TACC2: variants seen among roughly 807,000 people sequenced by gnomAD.
TACC2 encodes transforming acidic coiled-coil containing protein 2.
TACC2 carries 137 observed loss-of-function variants against 227.3 expected under a neutral mutation model. The ratio of observed to expected loss-of-function variants is 0.60; its 90% CI spans 0.52 to 0.69. The LOEUF (loss-of-function observed/expected upper bound fraction) is 0.69, where lower values mean the gene tolerates loss of function less well. Ranked by LOEUF, TACC2 falls within the 30% of genes least tolerant of loss-of-function variation. The pLI, the probability that TACC2 is intolerant of heterozygous loss-of-function variation, is 0.00. For synonymous variants in TACC2, 1,523 were observed against 1,487.5 expected, an observed-to-expected ratio of 1.02 and a Z score of -0.55; for missense variants, 3,470 against 3,694.4, an observed-to-expected ratio of 0.94 and a Z score of 1.57.
At chr10:121,990,118 A>AT (rs547344106) in intron 1 of TACC2, among the ~76,000 whole-genome samples, 126 of 145,088 alleles carry the variant, frequency 8.7e-4, no homozygotes, top group African/African-American at 2.2e-3. Context: ...CCTTCTGTGG[A>AT]TTTTTTTTTT....
intron 1 of TACC2, among the ~76,000 whole-genome samples, chr10:121,997,766 G>T (rs1208368461): frequency 6.6e-6 from 1 of 152,186 alleles, no homozygotes; most frequent in Non-Finnish European, 1.5e-5. Flanking sequence ...AGCTCTGCTG[G>T]CTAATAGGGG....
In TACC2 at chr10:122,086,304, C is replaced by G. The variant is rs1305156438; in HGVS notation, c.3804C>G (p.Pro1268=). Residue 1268 remains proline, a synonymous_variant, in exon 4 of 23, where the codon CCC becomes CCG. Transcript: ENST00000369005. ...ACCCCAGAGCTCCTGGCGAAAGCCC[C>G]TGTCCTGTAGGGGAGCCCCCACTTG... The part of the protein sequence containing the change: ...SADPRAPGES[P]CPVGEPPLAL... 1.9e-6 allele frequency: 3 copies of G among 1,613,852 alleles called. No individual in the cohort carries two copies. The highest frequency in any genetic ancestry group is 1.7e-6 in the Non-Finnish European group (2 of 1,180,046).
At chr10:122,159,486 G>A (rs1029089597) in intron 7 of TACC2, among the ~76,000 whole-genome samples, 8 of 152,324 alleles carry the variant, frequency 5.3e-5, no homozygotes, top group African/African-American at 1.7e-4. Context: ...TTTTCGGCAA[G>A]GCAGTGAGCA....
At chr10:121,993,434 A>T (rs1953121218) in intron 1 of TACC2, among the ~76,000 whole-genome samples, 1 of 152,284 alleles carries the variant, frequency 6.6e-6, no homozygotes, top group African/African-American at 2.4e-5. Flanking sequence ...ATGAGAGGGA[A>T]GTCTTCCTCT....
intron 1 of TACC2, among the ~76,000 whole-genome samples, chr10:121,998,362 A>G: frequency 6.7e-6 from 1 of 150,130 alleles, no homozygotes; most frequent in Non-Finnish European, 1.5e-5. Context: ...GCCTGTACTC[A>G]CCCTTAGCAG....
At chr10:122,041,782 C>T (rs912530900) in intron 2 of TACC2, among the ~76,000 whole-genome samples, 5 of 152,336 alleles carry the variant, frequency 3.3e-5, no homozygotes, top group Non-Finnish European at 5.9e-5. Flanking sequence ...CACCTGTCTG[C>T]TCCCACAGCC....
At chr10:122,032,451 C>T (rs569199345) in intron 2 of TACC2, among the ~76,000 whole-genome samples, 7 of 152,272 alleles carry the variant, frequency 4.6e-5, no homozygotes, top group African/African-American at 1.7e-4. Flanking sequence ...AGGAAAGATG[C>T]AAGTCTGAAG....
At chr10:122,061,010 A>G (rs1418365153) in intron 3 of TACC2, among the ~76,000 whole-genome samples, 13 of 42,870 alleles carry the variant, frequency 3.0e-4, no homozygotes, top group Admixed American at 1.4e-3. Context: ...CAAAAAAAAA[A>G]AAAAAAAAAG....
rs2080066483 is a variant in TACC2, at chr10:122,086,078, C to T, written c.3578C>T (p.Ala1193Val). 1 of 1,613,744 alleles carries T rather than the reference C, an allele frequency of 6.2e-7. No individual in the cohort carries two copies. The highest frequency in any genetic ancestry group is 1.3e-5 in the African/African-American group (1 of 74,946). ...CACCCCATGGCCAGCTGCCAGGATGCCTTGCTGCCAGCCAGAGAGCTGGGT... is the reference window on the plus strand; with the variant it reads ...CACCCCATGGCCAGCTGCCAGGATGTCTTGCTGCCAGCCAGAGAGCTGGGT... ...AEHPMASCQDALLPARELGGI... is the reference protein window; with the variant it reads ...AEHPMASCQDVLLPARELGGI... Residue 1193 changes from alanine to valine, a missense_variant, in exon 4 of 23, where the codon GCC becomes GTC. Ala to Val is a moderately conservative substitution (Grantham distance 64). Transcript: ENST00000369005.
At chr10:122,110,608 C>G (rs11200403) in intron 5 of TACC2, among the ~76,000 whole-genome samples, 48,481 of 152,066 alleles carry the variant, frequency 0.32, 8,958 homozygotes, top group South Asian at 0.43. Context: ...TCATTCCTCA[C>G]AGAGGTGCCG....
intron 5 of TACC2, among the ~76,000 whole-genome samples, chr10:122,102,795 A>G (rs1772184444): frequency 6.6e-6 from 1 of 152,146 alleles, no homozygotes; most frequent in Non-Finnish European, 1.5e-5. Context: ...CCTCAGGGAA[A>G]ATGCCGAGGC....
chr10:122,050,383 G>A lies in TACC2; in HGVS notation c.34-55G>A. 1 of 1,427,954 alleles carries A rather than the reference G, an allele frequency of 7.0e-7. No individual in the cohort carries two copies. Among genetic ancestry groups the A allele is most frequent in the Non-Finnish European group, 9.8e-7 (1 of 1,020,600 alleles). The allele number at this position is 1,427,954 out of a possible 1,614,324, so 88.5% of individuals were successfully genotyped here. A position where few individuals can be genotyped will look rare whatever the true frequency, so the allele number is the denominator to read the frequency against. ...GTGCCCTGTTGATAAATGTTTTTGT[G>A]TTTTCAGAGACTCCTATCTGATTTC... On this transcript the variant is annotated intron_variant, in intron 2 of 22. Transcript: ENST00000369005. The surrounding 1 kb of genome is among the most constrained non-coding windows in gnomAD (Gnocchi z 4.6).
At chr10:122,143,977 G>T (rs1039912290) in intron 7 of TACC2, among the ~76,000 whole-genome samples, 1 of 152,190 alleles carries the variant, frequency 6.6e-6, no homozygotes, top group Non-Finnish European at 1.5e-5. Flanking sequence ...TGGATAGATG[G>T]ATGGATGATC....
chr10:122,113,562 G>A (rs2084044923), intron 5 of TACC2, among the ~76,000 whole-genome samples: 1 of 152,070 alleles, frequency 6.6e-6, no homozygotes, highest in Admixed American at 6.5e-5. Flanking sequence ...GCGTGGTTGT[G>A]GTTGGCGCCC....
chr10:122,122,491 C>CTTT (rs368366143), intron 5 of TACC2, among the ~76,000 whole-genome samples: 151 of 148,264 alleles, frequency 1.0e-3, no homozygotes, highest in East Asian at 1.2e-3. Context: ...AAAATAATTC[C>CTTT]TTTTTTTTTT....
At position 122,086,422 on chromosome 10, in the gene TACC2, C is replaced by A. The variant is rs77722854; in HGVS notation, c.3922C>A (p.Gln1308Lys). Residue 1308 changes from glutamine to lysine, a missense_variant, in exon 4 of 23, where the codon CAA (glutamine) becomes AAA (lysine). Gln to Lys is a moderately conservative substitution (Grantham distance 53). Coordinates refer to ENST00000369005, the MANE Select transcript of TACC2 (RefSeq NM_206862.4). ...GAAGGEIPAVQASSGSPKART... is the reference protein window; with the variant it reads ...GAAGGEIPAVKASSGSPKART... ...TGCAGGTGGGGAAATCCCTGCAGTG[C>A]AAGCCAGCAGTGGTAGTCCCAAAGC... is the stretch of plus-strand genomic sequence containing the variant. The A allele has an allele frequency of 1.0e-3, 1,670 of 1,613,742 alleles. 14 individuals are homozygous for A. In the African/African-American group the frequency reaches 0.02, roughly 20 times the overall value.
chr10:122,252,512 A>T (rs1207531749), intron 22 of TACC2, among the ~76,000 whole-genome samples: 2 of 146,622 alleles, frequency 1.4e-5, no homozygotes, highest in Non-Finnish European at 3.0e-5. Context: ...TTTTTTTGAG[A>T]TGAAGTCTGT....
At chr10:122,163,616 C>T (rs985766876) in intron 7 of TACC2, 9 of 1,019,422 alleles carry the variant, frequency 8.8e-6, no homozygotes, top group Admixed American at 5.7e-5. Context: ...AAGAGCCTTT[C>T]GGACCACACC....
Position 122,110,653 on chromosome 10 carries a change from C to A in TACC2, c.5574-21956C>A, listed in dbSNP as rs552301491. On this transcript the variant is annotated intron_variant, in intron 5 of 22. Coordinates refer to ENST00000369005, the MANE Select transcript of TACC2 (RefSeq NM_206862.4). ...TTCCTCGACCAGAGTGGTTCTCCTG[C>A]AGTGAATGACCTTAGACTCTGGAGA... 8.5e-5 allele frequency among the ~76,000 whole-genome samples: 13 copies of A among 152,318 alleles called. No homozygotes were observed. In the South Asian group the frequency reaches 2.7e-3, roughly 32 times the overall value.
Sources: gnomAD v4.1 joint callset for allele counts (sites outside exome capture counted in the v4.1 genomes callset) on GRCh38, gnomAD v4.1.1 for gene constraint, Gnocchi (gnomAD v3.1) non-coding constraint, MANE v1.5 for transcripts, NCBI Gene and HGNC (gene_info 2026-07-23, HGNC 2026-07-21) for gene names.